APLP2: variants seen among roughly 807,000 people sequenced by gnomAD.
APLP2 encodes the protein CDEI box-binding protein.
A neutral mutation model predicts 89.9 loss-of-function variants in APLP2; 53 were observed. That is an observed-to-expected ratio of 0.59 (90% CI 0.47 to 0.74). The LOEUF (loss-of-function observed/expected upper bound fraction) is 0.74, where lower values mean the gene tolerates loss of function less well. Among genes scored for constraint, APLP2 ranks in the 30% least tolerant of loss-of-function variants. APLP2 has a pLI of 0.00. For synonymous variants in APLP2, 372 were observed against 348.6 expected (o/e 1.07, Z -0.75); for missense variants, 973 against 975.9 (o/e 1.00, Z 0.04).
At chr11:130,099,115 A>G (rs547028647) in intron 1 of APLP2, among the ~76,000 whole-genome samples, 1 of 152,286 alleles carries the variant, frequency 6.6e-6, no homozygotes, top group South Asian at 2.1e-4. Flanking sequence ...AGATCATCTT[A>G]TATTAATTCT....
Position 130,123,691 on chromosome 11 carries a change from G to T in APLP2, c.1002G>T (p.Lys334Asn), listed in dbSNP as rs1565590417. Reference protein sequence around the residue: ...PRWYFDLSKGKCVRFIYGGCG... With the variant: ...PRWYFDLSKGNCVRFIYGGCG... The stretch of plus-strand genomic sequence containing the variant: ...GGTACTTCGACCTCTCCAAGGGAAA[G>T]TGCGTGCGCTTTATATATGGTGGCT... Residue 334 changes from lysine to asparagine, a missense_variant, in exon 7 of 17, where the codon AAG (lysine) becomes AAT (asparagine). Coordinates refer to ENST00000338167, the MANE Select transcript of APLP2 (RefSeq NM_001142276.2). The surrounding 1 kb of genome is among the most constrained non-coding windows in gnomAD (Gnocchi z 4.0). 4 of 1,614,290 alleles carry T rather than the reference G, an allele frequency of 2.5e-6. No individual in the cohort carries two copies. Among genetic ancestry groups the T allele is most frequent in the Non-Finnish European group, 3.4e-6 (4 of 1,180,052 alleles).
chr11:130,094,589 A>G (rs1261761777), intron 1 of APLP2, among the ~76,000 whole-genome samples: 1 of 152,256 alleles, frequency 6.6e-6, no homozygotes, highest in Admixed American at 6.5e-5. Context: ...AGAAGACCTC[A>G]AATTCTGAGG....
intron 1 of APLP2, 99 bp downstream of exon 1, chr11:130,070,181 GTGCGGCGCCGGGGGTCCGGCTC>G (rs529858447): frequency 0.073 from 53,119 of 727,558 alleles, 2,509 homozygotes; most frequent in Non-Finnish European, 0.084. Context: ...CGGGCCGGCG[GTGCGGCGCCGGGGGTCCGGCTC>G]TGCGGCGGGT....
At chr11:130,080,985 G>T (rs897237747) in intron 1 of APLP2, among the ~76,000 whole-genome samples, 1 of 151,680 alleles carries the variant, frequency 6.6e-6, no homozygotes, top group African/African-American at 2.4e-5. Context: ...CACCACGTCC[G>T]GTCGTTGGAT....
chr11:130,119,927 A>G (rs563614990), intron 3 of APLP2, among the ~76,000 whole-genome samples: 31 of 152,326 alleles, frequency 2.0e-4, no homozygotes, highest in African/African-American at 7.5e-4. Context: ...CACATACTAC[A>G]TTTCATCTAG....
intron 13 of APLP2, among the ~76,000 whole-genome samples, chr11:130,137,456 A>T (rs1021292243): frequency 6.6e-6 from 1 of 152,140 alleles, no homozygotes; most frequent in Non-Finnish European, 1.5e-5. Flanking sequence ...CATGTTGCTG[A>T]CAAGCTGACC....
chr11:130,096,550 T>C (rs1275902218), intron 1 of APLP2, among the ~76,000 whole-genome samples: 2 of 152,158 alleles, frequency 1.3e-5, no homozygotes, highest in Non-Finnish European at 1.5e-5. Context: ...AGACCTCATC[T>C]CTGCAAAACA....
intron 13 of APLP2, chr11:130,137,311 TC>T: frequency 6.2e-7 from 1 of 1,609,314 alleles, no homozygotes. Context: ...TCCAAGATGT[TC>T]CCTTTAAGAC....
intron 1 of APLP2, among the ~76,000 whole-genome samples, chr11:130,089,789 C>T (rs976758476): frequency 2.0e-5 from 3 of 152,232 alleles, no homozygotes; most frequent in African/African-American, 7.2e-5. Flanking sequence ...CTTTTGGCAG[C>T]GTAACTCCAT....
chr11:130,075,515 C>T (rs1425080438), intron 1 of APLP2, among the ~76,000 whole-genome samples: 1 of 152,098 alleles, frequency 6.6e-6, no homozygotes, highest in Non-Finnish European at 1.5e-5. Flanking sequence ...GCGAAACACA[C>T]TCGTGTATGA....
At chr11:130,116,738 C>G (rs1031019549) in intron 3 of APLP2, among the ~76,000 whole-genome samples, 4 of 152,036 alleles carry the variant, frequency 2.6e-5, no homozygotes, top group African/African-American at 9.7e-5. Flanking sequence ...TCATAAAGTG[C>G]TGGGATTACA....
intron 1 of APLP2, among the ~76,000 whole-genome samples, chr11:130,072,567 TC>T (rs578032966): frequency 2.8e-4 from 42 of 150,938 alleles, no homozygotes; most frequent in Middle Eastern, 3.4e-3. Context: ...ACTTCCGCCT[TC>T]CGAGTTCAAG....
intron 13 of APLP2, among the ~76,000 whole-genome samples, chr11:130,138,315 C>T (rs1431408805): frequency 2.0e-5 from 3 of 152,162 alleles, no homozygotes; most frequent in Non-Finnish European, 4.4e-5. Flanking sequence ...AAAATGACTT[C>T]GTGTAGATGC....
chr11:130,121,550 C>G (rs1047131436), intron 4 of APLP2, 64 bp from the exon 5 acceptor site: 7 of 1,489,380 alleles, frequency 4.7e-6, no homozygotes, highest in African/African-American at 2.8e-5. Flanking sequence ...GGGTAGAGAT[C>G]GGAGTGTATT....
At chr11:130,096,914 A>G (rs989496506) in intron 1 of APLP2, among the ~76,000 whole-genome samples, 2 of 152,218 alleles carry the variant, frequency 1.3e-5, no homozygotes, top group Non-Finnish European at 2.9e-5. Flanking sequence ...AGCAGTAAAT[A>G]TACTGACTAG....
chr11:130,126,128 G>A (rs1482498143), intron 7 of APLP2, among the ~76,000 whole-genome samples: 1 of 152,214 alleles, frequency 6.6e-6, no homozygotes, highest in Admixed American at 6.5e-5. Context: ...CACTGATACT[G>A]AAAACTCAAA....
intron 1 of APLP2, among the ~76,000 whole-genome samples, chr11:130,098,248 T>G (rs530197768): frequency 3.7e-4 from 56 of 151,916 alleles, no homozygotes; most frequent in African/African-American, 1.3e-3. Flanking sequence ...CTACTAAAAA[T>G]ACAAAAATTA....
At chr11:130,094,474 C>T (rs555219369) in intron 1 of APLP2, among the ~76,000 whole-genome samples, 1 of 152,286 alleles carries the variant, frequency 6.6e-6, no homozygotes, top group African/African-American at 2.4e-5. Context: ...CAGACGTGAG[C>T]CACCGCACCT....
chr11:130,135,150 C>T (rs562497065), intron 12 of APLP2, among the ~76,000 whole-genome samples: 3 of 150,586 alleles, frequency 2.0e-5, no homozygotes, highest in African/African-American at 2.5e-5. Context: ...TTAGTAATAT[C>T]GTACTATATA....
Sources: gnomAD v4.1 joint callset for allele counts (sites outside exome capture counted in the v4.1 genomes callset) on GRCh38, gnomAD v4.1.1 for gene constraint, Gnocchi (gnomAD v3.1) non-coding constraint, MANE v1.5 for transcripts, NCBI Gene and HGNC (gene_info 2026-07-23, HGNC 2026-07-21) for gene names.